RSF1: variants seen among roughly 807,000 people sequenced by gnomAD.
RSF1 encodes remodeling and spacing factor 1.
Under a neutral mutation model 145.2 loss-of-function variants are expected in RSF1, and 13 were observed. The ratio of observed to expected loss-of-function variants is 0.09; its 90% CI spans 0.06 to 0.14. The LOEUF (loss-of-function observed/expected upper bound fraction) is 0.14, where lower values mean the gene tolerates loss of function less well. RSF1 is among the 10% of genes least tolerant of loss of function. The pLI is 1.00. For missense variants in RSF1, 1,517 were observed against 1,718.2 expected (o/e 0.88, Z 2.07); for synonymous variants, 577 against 592.6 (o/e 0.97, Z 0.38).
At position 77,673,351 on chromosome 11, in the gene RSF1, T is replaced by C. The variant is rs11237267; in HGVS notation, c.3563-1121A>G. 1.6e-3 allele frequency among the ~76,000 whole-genome samples: 241 copies of C among 152,392 alleles called. 1 individual carries two copies. The highest frequency in any genetic ancestry group is 5.6e-3 in the African/African-American group (235 of 41,604). ...AAGCCAGAGTGAGGCTGTGGCATTA[T>C]GTCACAGCTGTTTTTCAGAATGTTA... On this transcript the variant is annotated intron_variant, in intron 14 of 15. Coordinates refer to ENST00000308488, the MANE Select transcript of RSF1 (RefSeq NM_016578.4).
chr11:77,868,287 C>T, the RSF1 span, among the ~76,000 whole-genome samples: 1 of 151,612 alleles, frequency 6.6e-6, no homozygotes, highest in South Asian at 2.1e-4. Context: ...GATCTCCTGA[C>T]CTCGTGATCC....
At chr11:77,809,214 A>G (rs1948708428) in intron 1 of RSF1, among the ~76,000 whole-genome samples, 2 of 152,252 alleles carry the variant, frequency 1.3e-5, no homozygotes, top group Admixed American at 6.5e-5. Context: ...CACTATAAAT[A>G]GAGTGGCTCT....
At chr11:77,820,480 C>G (rs73495923) in intron 1 of RSF1, 48 bp downstream of exon 1, 191,861 of 1,527,746 alleles carry the variant, frequency 0.13, 14,324 homozygotes, top group African/African-American at 0.3. Context: ...CGGAGAGTAG[C>G]AGAGCGCCAG....
chr11:77,735,052 C>A, intron 4 of RSF1: 1 of 1,329,108 alleles, frequency 7.5e-7, no homozygotes, highest in South Asian at 1.2e-5. Context: ...GAGGTGGCGG[C>A]GGTGGCAGTG....
chr11:77,775,374 T>C (rs1948331577), intron 1 of RSF1, among the ~76,000 whole-genome samples: 1 of 152,118 alleles, frequency 6.6e-6, no homozygotes. Flanking sequence ...ATGGCAAAGA[T>C]GACTCTGGGT....
Position 77,665,066 on chromosome 11 carries a change from AAAC to A in RSF1, c.*1848_*1850del, listed in dbSNP as rs1396713217. 1.3e-5 allele frequency: 2 copies of A among 152,202 alleles called. No individual in the cohort carries two copies. Among genetic ancestry groups the A allele is most frequent in the African/African-American group, 4.8e-5 (2 of 41,446 alleles). The allele number at this position is 152,202 out of a possible 1,614,324, so 9.4% of individuals were successfully genotyped here. ...TACAGAACTAAAGTGAAACAAAACA[AAAC>A]AACGAACAACTGAAAAACAATAGCT... On this transcript the variant is annotated 3_prime_UTR_variant, in exon 16 of 16. Coordinates refer to ENST00000308488, the MANE Select transcript of RSF1 (RefSeq NM_016578.4).
At chr11:77,696,471 T>C (rs188753822) in intron 7 of RSF1, among the ~76,000 whole-genome samples, 760 of 152,368 alleles carry the variant, frequency 5.0e-3, no homozygotes, top group Non-Finnish European at 7.5e-3. Flanking sequence ...ACTTGAGGAT[T>C]ATCCTTAAGC....
intron 2 of RSF1, among the ~76,000 whole-genome samples, chr11:77,748,716 G>A (rs575235484): frequency 6.6e-6 from 1 of 152,236 alleles, no homozygotes; most frequent in East Asian, 1.9e-4. Flanking sequence ...GTTGTTACTG[G>A]GAATGTAAAA....
At chr11:77,859,433 C>T in the RSF1 span, among the ~76,000 whole-genome samples, 17 of 152,164 alleles carry the variant, frequency 1.1e-4, no homozygotes, top group African/African-American at 3.9e-4. Flanking sequence ...TAGGTCTTCC[C>T]TCGGAAGTTA....
intron 1 of RSF1, among the ~76,000 whole-genome samples, chr11:77,785,089 C>G (rs1948441199): frequency 6.6e-6 from 1 of 152,218 alleles, no homozygotes. Context: ...GGTCCTAAAG[C>G]TGCTTCCAGG....
At chr11:77,678,965 T>G (rs373726600) in intron 11 of RSF1, among the ~76,000 whole-genome samples, 4 of 152,226 alleles carry the variant, frequency 2.6e-5, no homozygotes, top group Non-Finnish European at 5.9e-5. Context: ...TACTTTCTGA[T>G]AGCAGCCAAA....
chr11:77,800,244 C>A (rs1195603856), intron 1 of RSF1, among the ~76,000 whole-genome samples: 1 of 152,164 alleles, frequency 6.6e-6, no homozygotes, highest in Non-Finnish European at 1.5e-5. Flanking sequence ...GTAATCCCAG[C>A]ACTTTGGGAG....
At chr11:77,758,151 A>C (rs1948134558) in intron 2 of RSF1, among the ~76,000 whole-genome samples, 1 of 152,058 alleles carries the variant, frequency 6.6e-6, no homozygotes, top group Admixed American at 6.6e-5. Context: ...AAAAAAAAAA[A>C]AAAAAGAAGG....
At chr11:77,681,984 C>A (rs1033020575) in intron 11 of RSF1, among the ~76,000 whole-genome samples, 1 of 151,970 alleles carries the variant, frequency 6.6e-6, no homozygotes. Flanking sequence ...TGTCTCTAAC[C>A]CCATATTTTC....
intron 1 of RSF1, among the ~76,000 whole-genome samples, chr11:77,790,952 A>G (rs1948511397): frequency 6.6e-6 from 1 of 152,156 alleles, no homozygotes; most frequent in South Asian, 2.1e-4. Flanking sequence ...GCAAGCTCTC[A>G]GTGGATCTAC....
chr11:77,678,839 C>T (rs1174119754), intron 11 of RSF1, among the ~76,000 whole-genome samples: 1 of 152,140 alleles, frequency 6.6e-6, no homozygotes, highest in African/African-American at 2.4e-5. Context: ...ATCTATGAAC[C>T]AGAAAGCAGG....
rs1050231622 is a variant in RSF1, at chr11:77,660,435, T to C, written c.*6482A>G. 2 of 141,674 alleles carry C rather than the reference T, an allele frequency of 1.4e-5. No homozygotes were observed. Among genetic ancestry groups the C allele is most frequent in the Admixed American group, 1.4e-4 (2 of 14,320 alleles). The allele number at this position is 141,674 out of a possible 1,614,324, so 8.8% of individuals were successfully genotyped here. A position where few individuals can be genotyped will look rare whatever the true frequency, so the allele number is the denominator to read the frequency against. On this transcript the variant is annotated 3_prime_UTR_variant, in exon 16 of 16. Transcript: ENST00000308488. The stretch of plus-strand genomic sequence containing the variant: ...CCCCCCCACCCCCACACACATGCAG[T>C]ACATTATGTGACAGAGAGCACTCCA...
chr11:77,694,374 C>T (rs1225545318), intron 7 of RSF1, among the ~76,000 whole-genome samples: 1 of 152,044 alleles, frequency 6.6e-6, no homozygotes, highest in Non-Finnish European at 1.5e-5. Flanking sequence ...AAGGAAGAGA[C>T]TGAGGTATAG....
At chr11:77,807,551 C>T (rs1263305852) in intron 1 of RSF1, among the ~76,000 whole-genome samples, 1 of 152,132 alleles carries the variant, frequency 6.6e-6, no homozygotes, top group Admixed American at 6.6e-5. Flanking sequence ...AAAGACCATG[C>T]AAAGTAAACG....
Sources: allele counts gnomAD v4.1 joint callset (sites outside exome capture counted in the v4.1 genomes callset), GRCh38; gene constraint gnomAD v4.1.1; transcripts MANE v1.5; gene names NCBI Gene and HGNC (gene_info 2026-07-23, HGNC 2026-07-21).